Variants in CDH26 observed in about 807,000 individuals in gnomAD.
The protein encoded by CDH26 is cadherin 26, also known as cadherin-like protein 26.
In CDH26, 83 loss-of-function variants were observed where a neutral mutation model predicts 90.3. The ratio of observed to expected loss-of-function variants is 0.92; its 90% CI spans 0.77 to 1.10. The LOEUF is 1.10. Among genes scored for constraint, CDH26 ranks in the 50% least tolerant of loss-of-function variants. CDH26 has a pLI of 0.00. For missense variants in CDH26, 1,013 were observed against 1,037.6 expected, an observed-to-expected ratio of 0.98 and a Z score of 0.33; for synonymous variants, 397 against 396.3, an observed-to-expected ratio of 1.00 and a Z score of -0.02.
At chr20:60,004,144 C>A (rs541508043) in intron 16 of CDH26, among the ~76,000 whole-genome samples, 1 of 152,324 alleles carries the variant, frequency 6.6e-6, no homozygotes, top group African/African-American at 2.4e-5. Flanking sequence ...GTCCCTAGGG[C>A]TGCTTGTAGT....
intron 1 of CDH26, among the ~76,000 whole-genome samples, chr20:59,964,431 AC>A (rs1245204497): frequency 1.3e-5 from 2 of 151,022 alleles, no homozygotes; most frequent in Admixed American, 6.6e-5. Flanking sequence ...TCTAGAAAGA[AC>A]CCCCCGCCCC....
chr20:59,994,144 T>A (rs1375694765), intron 10 of CDH26, 106 bp from the exon 11 acceptor site: 1 of 1,417,280 alleles, frequency 7.1e-7, no homozygotes, highest in East Asian at 2.3e-5. Context: ...GGGAAACAGT[T>A]CCAGTATTTC....
chr20:59,983,082 T>A lies in CDH26; in HGVS notation c.541+12T>A. 6.2e-7 allele frequency: 1 copy of A among 1,612,204 alleles called. No homozygotes were observed. The highest frequency in any genetic ancestry group is 8.5e-7 in the Non-Finnish European group (1 of 1,178,924). On this transcript the variant is annotated intron_variant, in intron 5 of 17. Coordinates refer to ENST00000348616, the MANE Select transcript of CDH26 (RefSeq NM_177980.4). ...AAACCAATCTGCAGGTGTGTGCGGCTGGGGGGCTGCCGGGCTTCCTTCTGT... is the reference window on the plus strand; with the variant it reads ...AAACCAATCTGCAGGTGTGTGCGGCAGGGGGGCTGCCGGGCTTCCTTCTGT...
chr20:59,961,068 T>G (rs180749002), intron 1 of CDH26, among the ~76,000 whole-genome samples: 7 of 152,350 alleles, frequency 4.6e-5, no homozygotes, highest in African/African-American at 1.7e-4. Context: ...ACGAGTTTCC[T>G]TAGTCAGACA....
intron 7 of CDH26, among the ~76,000 whole-genome samples, chr20:60,027,095 G>C (rs1207304226): frequency 6.6e-6 from 1 of 152,138 alleles, no homozygotes. Context: ...AGGGGCAGTA[G>C]GTGGTCACTT....
rs369143843 is a variant in CDH26, at chr20:59,959,616, T to A, written c.69+821T>A. 1.4e-4 allele frequency among the ~76,000 whole-genome samples: 21 copies of A among 152,186 alleles called. No homozygotes were observed. The East Asian group carries it at 2.5e-3, about 18-fold the overall frequency. On this transcript the variant is annotated intron_variant, in intron 1 of 17. Transcript: ENST00000348616. ...GGTTTCACCATGTTGGCCAGGCTGG[T>A]CTCAAACTCCTGACCTCAAGTGATC...
At chr20:59,973,415 C>A (rs1029062346) in intron 4 of CDH26, among the ~76,000 whole-genome samples, 7 of 151,990 alleles carry the variant, frequency 4.6e-5, no homozygotes, top group African/African-American at 1.7e-4. Flanking sequence ...TTTTAACTTT[C>A]ATTTTAAGTT....
chr20:59,962,369 C>T (rs142606943), intron 1 of CDH26, among the ~76,000 whole-genome samples: 77 of 152,298 alleles, frequency 5.1e-4, no homozygotes, highest in African/African-American at 1.7e-3. Context: ...GGCCAAAATC[C>T]GTCTGAGACT....
At chr20:59,960,825 A>C (rs892144537) in intron 1 of CDH26, among the ~76,000 whole-genome samples, 9 of 152,220 alleles carry the variant, frequency 5.9e-5, no homozygotes, top group Admixed American at 5.2e-4. Flanking sequence ...TATTAGGTTC[A>C]CAGTTCAGTA....
At chr20:59,974,648 T>A (rs1001954398) in intron 4 of CDH26, among the ~76,000 whole-genome samples, 1 of 152,180 alleles carries the variant, frequency 6.6e-6, no homozygotes, top group Non-Finnish European at 1.5e-5. Flanking sequence ...GCCAAACCCA[T>A]GTTCTGATCC....
chr20:60,027,191 C>T (rs1207588014), intron 7 of CDH26, among the ~76,000 whole-genome samples: 1 of 152,128 alleles, frequency 6.6e-6, no homozygotes, highest in Non-Finnish European at 1.5e-5. Context: ...TCCCCTCAGC[C>T]AGTAGGGGCC....
intron 4 of CDH26, among the ~76,000 whole-genome samples, chr20:59,979,012 C>T (rs930300482): frequency 6.6e-6 from 1 of 152,058 alleles, no homozygotes; most frequent in Non-Finnish European, 1.5e-5. Flanking sequence ...ACAAACCCTC[C>T]TTCAACCCTT....
At position 60,013,156 on chromosome 20, in the gene CDH26, A is replaced by G. The variant is rs2061870262; in HGVS notation, c.*426A>G. On this transcript the variant is annotated 3_prime_UTR_variant, in exon 18 of 18. Coordinates refer to ENST00000348616, the MANE Select transcript of CDH26 (RefSeq NM_177980.4). The stretch of plus-strand genomic sequence containing the variant: ...ATGATTCTGCTTCCATTTAAGGGAA[A>G]ACTTAGGTAAATAGAGAAATTTTTT... 1 of 153,808 alleles carries G rather than the reference A, an allele frequency of 6.5e-6. No homozygotes were observed. The highest frequency in any genetic ancestry group is 2.0e-4 in the South Asian group (1 of 4,996). The allele number at this position is 153,808 out of a possible 1,614,324, so 9.5% of individuals were successfully genotyped here.
At chr20:60,017,818 T>A (rs73311209), downstream of CDH26, among the ~76,000 whole-genome samples, 487 of 152,236 alleles carry the variant, frequency 3.2e-3, 5 homozygotes, top group African/African-American at 0.011. Flanking sequence ...CTACTTTTAT[T>A]TGCCTCAAGG....
chr20:59,985,716 TCAAGAAGC>T (rs1282922826), intron 7 of CDH26, among the ~76,000 whole-genome samples: 1 of 152,192 alleles, frequency 6.6e-6, no homozygotes, highest in African/African-American at 2.4e-5. Flanking sequence ...TAAGCTAGAA[TCAAGAAGC>T]CAAATCATAT....
chr20:59,967,949 T>A (rs951339233), intron 1 of CDH26, among the ~76,000 whole-genome samples: 5 of 101,516 alleles, frequency 4.9e-5, no homozygotes, highest in East Asian at 5.4e-4. Flanking sequence ...CTTTCTTTCT[T>A]TCTTTCTATC....
At chr20:59,968,502 T>C (rs1270473967) in intron 1 of CDH26, among the ~76,000 whole-genome samples, 1 of 152,188 alleles carries the variant, frequency 6.6e-6, no homozygotes, top group Non-Finnish European at 1.5e-5. Flanking sequence ...TCTAAGTCAT[T>C]ATGTAAATGT....
Position 60,001,407 on chromosome 20 carries a change from G to A in CDH26, c.2162G>A (p.Ser721Asn). The change falls in exon 15 of 18, where the codon AGC (serine) becomes AAC (asparagine). Residue 721 changes from serine (S) to asparagine (N), a missense_variant. Physicochemically the swap from Ser to Asn is conservative, Grantham distance 46 (BLOSUM62 1). Transcript: ENST00000348616. ...QSAQARCALG[S>N]WGYGKPFEPR... ...GCCCAAGCACGCTGTGCTCTGGGGA[G>A]CTGGGTGAGTTCCAGAAGGTTGCTC... The A allele has an allele frequency of 6.2e-7, 1 of 1,613,770 alleles. No homozygotes were observed. Among genetic ancestry groups the A allele is most frequent in the Non-Finnish European group, 8.5e-7 (1 of 1,179,906 alleles).
chr20:60,013,355 T>C lies in CDH26; in HGVS notation c.*625T>C, dbSNP rs1446450327. The C allele has an allele frequency of 6.6e-6, 1 of 152,246 alleles. No homozygotes were observed. 9.4% of individuals were successfully genotyped at this position (152,246 alleles called of 1,614,324 possible). ...AAATGAAGAGCTGACATAATTTAAC[T>C]TGTATGTATTATGTAAGTAAAAGAG... On this transcript the variant is annotated 3_prime_UTR_variant, in exon 18 of 18. Coordinates refer to ENST00000348616, the MANE Select transcript of CDH26 (RefSeq NM_177980.4).
Sources: gnomAD v4.1 joint callset for allele counts (sites outside exome capture counted in the v4.1 genomes callset) on GRCh38, gnomAD v4.1.1 for gene constraint, MANE v1.5 for transcripts, NCBI Gene and HGNC (gene_info 2026-07-23, HGNC 2026-07-21) for gene names.